Variants in PARPBP observed in about 807,000 individuals in gnomAD.
The protein encoded by PARPBP is PARP1 binding protein, also known as PCNA-interacting partner.
PARPBP carries 52 observed loss-of-function variants against 50.0 expected under a neutral mutation model. The ratio of observed to expected loss-of-function variants is 1.04; its 90% CI spans 0.83 to 1.31. The LOEUF is 1.31. PARPBP is among the 50% of genes most tolerant of loss of function. PARPBP has a pLI of 0.00. For missense variants in PARPBP, 697 were observed against 672.0 expected, an observed-to-expected ratio of 1.04 and a Z score of -0.41; for synonymous variants, 244 against 232.1, an observed-to-expected ratio of 1.05 and a Z score of -0.47.
At chr12:102,179,794 T>C (rs1476687960) in intron 8 of PARPBP, among the ~76,000 whole-genome samples, 2 of 152,190 alleles carry the variant, frequency 1.3e-5, no homozygotes, top group Admixed American at 6.5e-5. Context: ...GTTGAGTAGG[T>C]TGTTGATATT....
Position 102,123,981 on chromosome 12 carries a change from ATG to A in PARPBP, c.96_97del (p.Cys32TrpfsTer30). On this transcript the variant is annotated frameshift_variant, in exon 2 of 11. Transcript: ENST00000327680. LOFTEE classifies it high-confidence loss of function. Reference protein sequence around the residue: ...ALCNSERTTLCGADSMLLALQ... With the variant: ...ALCNSERTTLXGADSMLLALQ... The stretch of plus-strand genomic sequence containing the variant: ...TTTGTAACTCTGAGAGAACTACTCT[ATG>A]TGGTGCAGACTCCATGCTCTTGGCA... The A allele has an allele frequency of 6.5e-7, 1 of 1,534,010 alleles. No homozygotes were observed. The highest frequency in any genetic ancestry group is 2.0e-5 in the Admixed American group (1 of 50,992).
At chr12:102,120,548 A>G in intron 1 of PARPBP, 1 of 455,264 alleles carries the variant, frequency 2.2e-6, no homozygotes, top group Non-Finnish European at 4.4e-6. Flanking sequence ...GGCCTGCTTA[A>G]CTTCCATTAG....
chr12:102,165,727 A>G lies in PARPBP; in HGVS notation c.667-2A>G, dbSNP rs551705702. 2 of 1,597,768 alleles carry G rather than the reference A, an allele frequency of 1.3e-6. No individual in the cohort carries two copies. Among genetic ancestry groups the G allele is most frequent in the South Asian group, 1.1e-5 (1 of 87,618 alleles). On this transcript the variant is annotated splice_acceptor_variant, in intron 5 of 10. Coordinates refer to ENST00000327680, the MANE Select transcript of PARPBP (RefSeq NM_017915.5). LOFTEE classifies it high-confidence loss of function. Reference sequence around the variant, plus strand: ...AACTTATCCGTTTGTTTTAATTCATAGGTGGCCACGTCTTTTATTAGAACA... The same window carrying G: ...AACTTATCCGTTTGTTTTAATTCATGGGTGGCCACGTCTTTTATTAGAACA...
intron 9 of PARPBP, among the ~76,000 whole-genome samples, chr12:102,189,527 A>G (rs1224959746): frequency 6.6e-6 from 1 of 152,180 alleles, no homozygotes; most frequent in Admixed American, 6.6e-5. Flanking sequence ...CACATTAAAC[A>G]ATGCAGTTCT....
At chr12:102,146,987 T>C (rs1885452971) in intron 2 of PARPBP, among the ~76,000 whole-genome samples, 1 of 151,982 alleles carries the variant, frequency 6.6e-6, no homozygotes, top group African/African-American at 2.4e-5. Flanking sequence ...TCACTGGCCA[T>C]CAGAGAAATG....
Position 102,197,234 on chromosome 12 carries a change from T to G in PARPBP, c.*943T>G. The G allele has an allele frequency of 8.0e-7, 1 of 1,252,924 alleles. No individual in the cohort carries two copies. Among genetic ancestry groups the G allele is most frequent in the Non-Finnish European group, 1.1e-6 (1 of 875,480 alleles). The allele number at this position is 1,252,924 out of a possible 1,614,324, so 77.6% of individuals were successfully genotyped here. Reference sequence around the variant, plus strand: ...ATTCGGAGTGGAACTATAATACAATTGTATAATATTCTTGTTGATCAATTC... The same window carrying G: ...ATTCGGAGTGGAACTATAATACAATGGTATAATATTCTTGTTGATCAATTC... On this transcript the variant is annotated 3_prime_UTR_variant, in exon 11 of 11. Transcript: ENST00000327680.
At chr12:102,149,724 T>G (rs1885930534) in intron 3 of PARPBP, among the ~76,000 whole-genome samples, 1 of 152,224 alleles carries the variant, frequency 6.6e-6, no homozygotes, top group Admixed American at 6.5e-5. Flanking sequence ...GGCAGCTTGC[T>G]GTCTTTGCCT....
chr12:102,124,582 CT>C (rs1881672624), intron 2 of PARPBP, among the ~76,000 whole-genome samples: 2 of 152,130 alleles, frequency 1.3e-5, no homozygotes, highest in Non-Finnish European at 1.5e-5. Context: ...TAAGGAAAGG[CT>C]TTGTGATATT....
intron 8 of PARPBP, among the ~76,000 whole-genome samples, chr12:102,180,993 G>C (rs997084920): frequency 6.6e-6 from 1 of 152,126 alleles, no homozygotes; most frequent in Non-Finnish European, 1.5e-5. Context: ...TAAGCCAAAA[G>C]GGATTAATTT....
chr12:102,183,873 G>A (rs532561616), intron 9 of PARPBP, among the ~76,000 whole-genome samples: 2 of 151,834 alleles, frequency 1.3e-5, no homozygotes, highest in South Asian at 4.2e-4. Context: ...TCAGAAGTTC[G>A]AGACCAGCCT....
At chr12:102,140,493 C>T (rs1451517281) in intron 2 of PARPBP, among the ~76,000 whole-genome samples, 1 of 152,080 alleles carries the variant, frequency 6.6e-6, no homozygotes, top group Non-Finnish European at 1.5e-5. Flanking sequence ...TTCAGTTGTG[C>T]TCTGATCTTA....
At chr12:102,165,930 A>C (rs3794201) in intron 6 of PARPBP, 47 bp downstream of exon 6, 291,301 of 1,260,814 alleles carry the variant, frequency 0.23, 35,148 homozygotes, top group East Asian at 0.46. Context: ...TCTATCTTTA[A>C]AACTTTACAG....
intron 5 of PARPBP, 97 bp from the exon 6 acceptor site, chr12:102,165,632 G>A: frequency 5.2e-6 from 5 of 958,340 alleles, no homozygotes; most frequent in Non-Finnish European, 8.1e-6. Flanking sequence ...ACTTTTAACT[G>A]TATACCCAGA....
rs1433097563 is a variant in PARPBP, at chr12:102,171,585, G to C, written c.822-3898G>C. The stretch of plus-strand genomic sequence containing the variant: ...TTTTTCTTGTTTAAAAATATTTCAT[G>C]GCCGGGCTTGGTGGCTCACACCTGT... On this transcript the variant is annotated intron_variant, in intron 6 of 10. Transcript: ENST00000327680. Among the ~76,000 whole-genome samples the C allele has an allele frequency of 2.0e-5, 3 of 152,180 alleles. No homozygotes were observed. In the South Asian group the frequency reaches 6.2e-4, roughly 32 times the overall value.
Position 102,148,343 on chromosome 12 carries a change from GGACGTTA to G in PARPBP, c.269_275del (p.Asp90GlyfsTer8). ...ACATGGACGTGACTGACCATTATGA[GGACGTTA>G]GGAAGATTTATGATGATTTCTTGAA... On this transcript the variant is annotated frameshift_variant, in exon 3 of 11. Coordinates refer to ENST00000327680, the MANE Select transcript of PARPBP (RefSeq NM_017915.5). LOFTEE classifies it high-confidence loss of function. The G allele has an allele frequency of 6.3e-7, 1 of 1,587,030 alleles. No homozygotes were observed. The highest frequency in any genetic ancestry group is 8.7e-7 in the Non-Finnish European group (1 of 1,155,918).
rs771828530 is a variant in PARPBP at position 102,164,436 on chromosome 12, AG to A, written c.496del. ...AAATTAACTGAATATTTTATTGCAC[AG>A]GTGCAGCTGCTAGCAAGGAAAATTA... On this transcript the variant is annotated splice_acceptor_variant, in intron 4 of 10. Coordinates refer to ENST00000327680, the MANE Select transcript of PARPBP (RefSeq NM_017915.5). LOFTEE classifies it high-confidence loss of function. The A allele has an allele frequency of 5.0e-6, 8 of 1,604,410 alleles. No individual in the cohort carries two copies. The highest frequency in any genetic ancestry group is 1.1e-5 in the South Asian group (1 of 90,590).
intron 4 of PARPBP, among the ~76,000 whole-genome samples, chr12:102,155,602 G>C (rs922743974): frequency 1.3e-4 from 16 of 122,054 alleles, no homozygotes; most frequent in Middle Eastern, 3.9e-3. Flanking sequence ...GGTGGGGGGG[G>C]GGGGCGGGGA....
chr12:102,149,800 C>T (rs1220976848), intron 3 of PARPBP, among the ~76,000 whole-genome samples: 1 of 152,166 alleles, frequency 6.6e-6, no homozygotes, highest in African/African-American at 2.4e-5. Flanking sequence ...CACACATGTA[C>T]AACTACACTA....
At chr12:102,140,788 T>C (rs187386136) in intron 2 of PARPBP, among the ~76,000 whole-genome samples, 122 of 152,202 alleles carry the variant, frequency 8.0e-4, no homozygotes, top group Middle Eastern at 6.8e-3. Context: ...TGTAGTTGAG[T>C]GGTTTTGAGT....
Sources: gnomAD v4.1 joint callset for allele counts (sites outside exome capture counted in the v4.1 genomes callset) on GRCh38, gnomAD v4.1.1 for gene constraint, MANE v1.5 for transcripts, NCBI Gene and HGNC (gene_info 2026-07-23, HGNC 2026-07-21) for gene names.